The following ADGRB3 variants were observed in gnomAD, a reference collection of about 807,000 sequenced individuals.
ADGRB3 encodes the protein brain-specific angiogenesis inhibitor 3.
In ADGRB3, 37 loss-of-function variants were observed where a neutral mutation model predicts 193.4. The observed-to-expected ratio is 0.19, with a 90% CI of 0.15 to 0.25. The LOEUF (loss-of-function observed/expected upper bound fraction) is 0.25, where lower values mean the gene tolerates loss of function less well. Among genes scored for constraint, ADGRB3 ranks in the 10% least tolerant of loss-of-function variants. ADGRB3 has a pLI of 1.00. For synonymous variants in ADGRB3, 690 were observed against 644.2 expected, an observed-to-expected ratio of 1.07 and a Z score of -1.08; for missense variants, 1,637 against 1,852.9, an observed-to-expected ratio of 0.88 and a Z score of 2.14.
chr6:69,286,417 C>A (rs1170143621), intron 20 of ADGRB3, among the ~76,000 whole-genome samples: 2 of 152,180 alleles, frequency 1.3e-5, no homozygotes, highest in Non-Finnish European at 2.9e-5. Flanking sequence ...TCATGTCTGA[C>A]AGCAGTGTGA....
chr6:69,035,008 G>C (rs1293616053), intron 13 of ADGRB3, among the ~76,000 whole-genome samples: 1 of 152,032 alleles, frequency 6.6e-6, no homozygotes, highest in Non-Finnish European at 1.5e-5. Context: ...ATATGGGAAA[G>C]ACATGATGTT....
At chr6:69,385,626 T>C (rs893659643) in intron 31 of ADGRB3, among the ~76,000 whole-genome samples, 4 of 152,098 alleles carry the variant, frequency 2.6e-5, no homozygotes, top group African/African-American at 9.7e-5. Context: ...TACAGCTCCT[T>C]ATTCTGTACT....
At chr6:68,777,606 T>TA (rs754220729) in intron 3 of ADGRB3, among the ~76,000 whole-genome samples, 5 of 119,268 alleles carry the variant, frequency 4.2e-5, no homozygotes, top group East Asian at 2.8e-4. Flanking sequence ...TCTTTAGTAC[T>TA]AAAAAAAATT....
At chr6:68,888,576 T>TA (rs1385739744) in intron 3 of ADGRB3, among the ~76,000 whole-genome samples, 24 of 110,428 alleles carry the variant, frequency 2.2e-4, no homozygotes, top group South Asian at 1.1e-3. Flanking sequence ...CACACACACA[T>TA]AAAAAAAACT....
At chr6:69,041,156 T>TC (rs1771056886) in intron 13 of ADGRB3, among the ~76,000 whole-genome samples, 1 of 152,186 alleles carries the variant, frequency 6.6e-6, no homozygotes, top group African/African-American at 2.4e-5. Context: ...CTATTCTTTT[T>TC]CTCTGTCCTG....
chr6:68,847,914 A>G (rs1768313797), intron 3 of ADGRB3, among the ~76,000 whole-genome samples: 1 of 151,328 alleles, frequency 6.6e-6, no homozygotes, highest in African/African-American at 2.4e-5. Flanking sequence ...GAAAGGAAGG[A>G]AAAAAAAGAA....
chr6:68,891,297 G>A (rs1331110985), intron 3 of ADGRB3, among the ~76,000 whole-genome samples: 1 of 152,108 alleles, frequency 6.6e-6, no homozygotes, highest in African/African-American at 2.4e-5. Flanking sequence ...AGGTTTGGGT[G>A]GGGACACAGA....
intron 17 of ADGRB3, among the ~76,000 whole-genome samples, chr6:69,177,205 G>T (rs905829755): frequency 2.6e-5 from 4 of 152,042 alleles, no homozygotes; most frequent in African/African-American, 9.7e-5. Context: ...TCTTCTGGCT[G>T]TGATGTTAGA....
intron 3 of ADGRB3, among the ~76,000 whole-genome samples, chr6:68,740,202 T>C (rs1765952604): frequency 6.6e-6 from 1 of 152,204 alleles, no homozygotes. Context: ...TCTGTGCTAC[T>C]AAAAATTGCA....
intron 17 of ADGRB3, among the ~76,000 whole-genome samples, chr6:69,149,422 C>A (rs1774602956): frequency 6.6e-6 from 1 of 151,932 alleles, no homozygotes. Flanking sequence ...TTAAATAAAT[C>A]TATCATGATC....
At chr6:69,123,894 T>C (rs1054024774) in intron 17 of ADGRB3, among the ~76,000 whole-genome samples, 2 of 152,166 alleles carry the variant, frequency 1.3e-5, no homozygotes, top group Non-Finnish European at 2.9e-5. Flanking sequence ...TATAAGGACT[T>C]AATTACTTGG....
At chr6:69,213,975 A>G (rs932838022) in intron 17 of ADGRB3, among the ~76,000 whole-genome samples, 1 of 152,182 alleles carries the variant, frequency 6.6e-6, no homozygotes, top group Non-Finnish European at 1.5e-5. Context: ...GGAGAAAGTG[A>G]CCTCAATAAC....
intron 20 of ADGRB3, among the ~76,000 whole-genome samples, chr6:69,299,999 A>G (rs1767915904): frequency 6.6e-6 from 1 of 151,744 alleles, no homozygotes; most frequent in Non-Finnish European, 1.5e-5. Context: ...CAATATACCA[A>G]AAGTAGAGAA....
At chr6:68,956,953 T>A in intron 8 of ADGRB3, 144 bp downstream of exon 8, 1 of 869,510 alleles carries the variant, frequency 1.2e-6, no homozygotes, top group Non-Finnish European at 1.7e-6. Context: ...GTTTCTGTAC[T>A]ATGTGGGGCA....
At chr6:69,004,806 G>C (rs757172382) in intron 11 of ADGRB3, among the ~76,000 whole-genome samples, 1 of 152,200 alleles carries the variant, frequency 6.6e-6, no homozygotes, top group Admixed American at 6.5e-5. Flanking sequence ...TTTTGGGGTT[G>C]GGGGGTGCTG....
intron 31 of ADGRB3, among the ~76,000 whole-genome samples, chr6:69,387,709 T>C (rs1770104669): frequency 6.6e-6 from 1 of 152,050 alleles, no homozygotes; most frequent in Admixed American, 6.6e-5. Flanking sequence ...TTAGGTATGA[T>C]AAGTATTTAT....
chr6:68,742,518 G>T (rs1217541940), intron 3 of ADGRB3, among the ~76,000 whole-genome samples: 1 of 152,056 alleles, frequency 6.6e-6, no homozygotes, highest in South Asian at 2.1e-4. Flanking sequence ...TTAAAATTTG[G>T]ATTAGAAATT....
chr6:69,255,361 C>T (rs894253041), intron 20 of ADGRB3, among the ~76,000 whole-genome samples: 2 of 152,172 alleles, frequency 1.3e-5, no homozygotes, highest in Non-Finnish European at 2.9e-5. Context: ...ACATCCTCTC[C>T]AGCACCTGTT....
intron 13 of ADGRB3, among the ~76,000 whole-genome samples, chr6:69,045,524 C>A (rs1239765735): frequency 3.9e-5 from 6 of 151,916 alleles, no homozygotes; most frequent in Non-Finnish European, 8.8e-5. Context: ...TCTCACCACA[C>A]AAAAAATGAA....
Sources: allele counts gnomAD v4.1 joint callset (sites outside exome capture counted in the v4.1 genomes callset), GRCh38; gene constraint gnomAD v4.1.1; transcripts MANE v1.5; gene names NCBI Gene and HGNC (gene_info 2026-07-23, HGNC 2026-07-21).